The following TMTC2 variants were observed in gnomAD, a reference collection of about 807,000 sequenced individuals.
TMTC2 encodes transmembrane O-mannosyltransferase targeting cadherins 2, also known as protein O-mannosyl-transferase TMTC2.
TMTC2 carries 43 observed loss-of-function variants against 82.4 expected under a neutral mutation model. The ratio of observed to expected loss-of-function variants is 0.52; its 90% CI spans 0.41 to 0.67. TMTC2 has a LOEUF of 0.67. TMTC2 is among the 30% of genes least tolerant of loss of function. The pLI is 0.00. For missense variants in TMTC2, 919 were observed against 1,012.4 expected (o/e 0.91, Z 1.25); for synonymous variants, 408 against 381.9 (o/e 1.07, Z -0.80).
intron 8 of TMTC2, among the ~76,000 whole-genome samples, chr12:83,019,172 A>C (rs1428919442): frequency 6.6e-6 from 1 of 151,440 alleles, no homozygotes; most frequent in Non-Finnish European, 1.5e-5. Context: ...AAAAAAAAAC[A>C]TACACATTAA....
At chr12:82,874,551 A>G (rs1476539986) in intron 2 of TMTC2, among the ~76,000 whole-genome samples, 3 of 152,188 alleles carry the variant, frequency 2.0e-5, no homozygotes, top group South Asian at 2.1e-4. Context: ...TTTGAAGGCC[A>G]GGTAATTTAT....
At chr12:82,785,430 C>G (rs1007108109) in intron 1 of TMTC2, among the ~76,000 whole-genome samples, 11 of 131,792 alleles carry the variant, frequency 8.3e-5, no homozygotes, top group Non-Finnish European at 6.1e-5. Context: ...ATTATTAGAG[C>G]ACTGGAATGT....
At chr12:82,779,319 G>A (rs1419215588) in intron 1 of TMTC2, among the ~76,000 whole-genome samples, 1 of 151,980 alleles carries the variant, frequency 6.6e-6, no homozygotes, top group Non-Finnish European at 1.5e-5. Context: ...TTAGGCAGGG[G>A]ATGTCAGGAT....
chr12:82,869,848 A>C (rs1872078738), intron 2 of TMTC2, among the ~76,000 whole-genome samples: 1 of 151,740 alleles, frequency 6.6e-6, no homozygotes, highest in African/African-American at 2.4e-5. Flanking sequence ...CAAAAAAAAA[A>C]ATAAATAAAA....
intron 2 of TMTC2, among the ~76,000 whole-genome samples, chr12:82,889,564 T>G (rs553215855): frequency 6.6e-6 from 1 of 152,178 alleles, no homozygotes; most frequent in South Asian, 2.1e-4. Flanking sequence ...CTTCTACACT[T>G]AAATAAAAAA....
intron 9 of TMTC2, among the ~76,000 whole-genome samples, chr12:83,045,363 T>G (rs903086059): frequency 2.0e-5 from 3 of 152,174 alleles, no homozygotes; most frequent in African/African-American, 2.4e-5. Context: ...AGAAATGAAG[T>G]GTAGTAGCAA....
chr12:82,878,124 G>A (rs1404340736), intron 2 of TMTC2, among the ~76,000 whole-genome samples: 1 of 152,174 alleles, frequency 6.6e-6, no homozygotes, highest in Non-Finnish European at 1.5e-5. Flanking sequence ...AATCATTCAT[G>A]TACCCATTCA....
intron 9 of TMTC2, among the ~76,000 whole-genome samples, chr12:83,033,808 A>ATGTGTG (rs1242151450): frequency 2.2e-4 from 30 of 139,250 alleles, no homozygotes; most frequent in African/African-American, 8.8e-4. Context: ...ATATACACAT[A>ATGTGTG]TATGTGTGTG....
chr12:83,116,763 G>A, intron 11 of TMTC2, among the ~76,000 whole-genome samples: 1 of 152,134 alleles, frequency 6.6e-6, no homozygotes, highest in Non-Finnish European at 1.5e-5. Flanking sequence ...CATGTCCTTA[G>A]CCCACTTTTT....
chr12:82,801,423 G>C (rs1436642882), intron 1 of TMTC2, among the ~76,000 whole-genome samples: 1 of 152,094 alleles, frequency 6.6e-6, no homozygotes. Flanking sequence ...CCGTGTAGAA[G>C]GGGACCCAAG....
chr12:82,950,855 A>G (rs1007506890), intron 4 of TMTC2, among the ~76,000 whole-genome samples: 1 of 152,258 alleles, frequency 6.6e-6, no homozygotes. Context: ...ATGTTAAAGA[A>G]TAACGTTTTT....
chr12:82,767,447 C>T (rs537480943), intron 1 of TMTC2, among the ~76,000 whole-genome samples: 1 of 152,156 alleles, frequency 6.6e-6, no homozygotes, highest in South Asian at 2.1e-4. Context: ...ATTAGCTGGG[C>T]GTTGTGGCAC....
At chr12:83,097,448 T>A (rs986107535) in intron 11 of TMTC2, among the ~76,000 whole-genome samples, 4 of 152,212 alleles carry the variant, frequency 2.6e-5, no homozygotes, top group African/African-American at 9.6e-5. Flanking sequence ...AACTGCTTCC[T>A]AGCTATTTGC....
chr12:82,715,480 TG>T (rs1412920124), intron 1 of TMTC2, among the ~76,000 whole-genome samples: 3 of 151,972 alleles, frequency 2.0e-5, no homozygotes, highest in African/African-American at 7.2e-5. Context: ...AAATATTCAG[TG>T]GTCTGGAACA....
chr12:83,102,030 G>T (rs1884235748), intron 11 of TMTC2, among the ~76,000 whole-genome samples: 1 of 152,138 alleles, frequency 6.6e-6, no homozygotes, highest in South Asian at 2.1e-4. Flanking sequence ...CCAAAATATT[G>T]CAATGGACAG....
intron 8 of TMTC2, chr12:83,021,991 GCA>G (rs1335082196): frequency 6.6e-6 from 1 of 151,810 alleles, no homozygotes; most frequent in Non-Finnish European, 1.5e-5. Flanking sequence ...TTCCATATTT[GCA>G]CAGTTCCCAG....
intron 1 of TMTC2, among the ~76,000 whole-genome samples, chr12:82,741,497 G>A (rs2136953741): frequency 1.3e-5 from 2 of 152,240 alleles, no homozygotes; most frequent in African/African-American, 4.8e-5. Context: ...TTTTAGTAGA[G>A]ATGGGGTTTT....
chr12:82,986,110 G>A, intron 8 of TMTC2, 64 bp downstream of exon 8: 1 of 1,609,132 alleles, frequency 6.2e-7, no homozygotes, highest in Non-Finnish European at 8.5e-7. Flanking sequence ...GGATAGATGG[G>A]TTTGAGGTAC....
intron 1 of TMTC2, among the ~76,000 whole-genome samples, chr12:82,830,527 G>T (rs1299410477): frequency 6.6e-6 from 1 of 152,106 alleles, no homozygotes; most frequent in Non-Finnish European, 1.5e-5. Flanking sequence ...ATATGTCCTA[G>T]AAGCCTTTTT....
Sources: gnomAD v4.1 joint callset for allele counts (sites outside exome capture counted in the v4.1 genomes callset) on GRCh38, gnomAD v4.1.1 for gene constraint, MANE v1.5 for transcripts, NCBI Gene and HGNC (gene_info 2026-07-23, HGNC 2026-07-21) for gene names.